The following CCDC178 variants were observed in gnomAD, a reference collection of about 807,000 sequenced individuals.
CCDC178 encodes the protein coiled-coil domain-containing protein 178.
In CCDC178, 126 loss-of-function variants were observed where a neutral mutation model predicts 117.4. The observed-to-expected ratio is 1.07, with a 90% CI of 0.93 to 1.24. The LOEUF (loss-of-function observed/expected upper bound fraction) is 1.24. CCDC178 is among the 50% of genes most tolerant of loss of function. The probability of loss-of-function intolerance (pLI) is 0.00; values close to 1 mark genes in which losing one functional copy is unlikely to be tolerated. For missense variants in CCDC178, 1,030 were observed against 986.9 expected (o/e 1.04, Z -0.59); for synonymous variants, 283 against 313.4 (o/e 0.90, Z 1.02).
intron 21 of CCDC178, among the ~76,000 whole-genome samples, chr18:33,090,861 A>G (rs2057451405): frequency 6.6e-6 from 1 of 152,224 alleles, no homozygotes; most frequent in Non-Finnish European, 1.5e-5. Flanking sequence ...TGTTCCTACT[A>G]TAGTCTCAGT....
intron 14 of CCDC178, among the ~76,000 whole-genome samples, chr18:33,262,476 T>C (rs550600008): frequency 6.6e-6 from 1 of 152,266 alleles, no homozygotes; most frequent in South Asian, 2.1e-4. Flanking sequence ...TAAAATGACA[T>C]ATTTAAAAGG....
intron 5 of CCDC178, among the ~76,000 whole-genome samples, chr18:33,384,800 A>G (rs2063475701): frequency 6.6e-6 from 1 of 152,188 alleles, no homozygotes; most frequent in East Asian, 1.9e-4. Context: ...AAGCAACTAT[A>G]TTAACAAGTT....
intron 14 of CCDC178, among the ~76,000 whole-genome samples, chr18:33,265,757 C>T (rs1301499768): frequency 6.6e-6 from 1 of 151,882 alleles, no homozygotes; most frequent in Non-Finnish European, 1.5e-5. Flanking sequence ...ATTGATCATA[C>T]TTATGTTAAG....
intron 20 of CCDC178, among the ~76,000 whole-genome samples, chr18:33,178,755 G>T (rs978647109): frequency 6.6e-6 from 1 of 151,772 alleles, no homozygotes; most frequent in Non-Finnish European, 1.5e-5. Flanking sequence ...TACCTGGCTA[G>T]CTCCTACATA....
At chr18:33,103,886 A>G (rs1483325843) in intron 20 of CCDC178, among the ~76,000 whole-genome samples, 1 of 151,786 alleles carries the variant, frequency 6.6e-6, no homozygotes, top group Non-Finnish European at 1.5e-5. Context: ...TAGAATGGCT[A>G]AGTAAACTGT....
At chr18:33,011,767 CAAAAAAAAAAAAAAAAAAAAAAAAAA>C (rs71177899) in intron 21 of CCDC178, among the ~76,000 whole-genome samples, 39 of 30,018 alleles carry the variant, frequency 1.3e-3, no homozygotes, top group Admixed American at 7.1e-3. Context: ...GAGCAGAATG[CAAAAAAAAAAAAAAAAAAAAAAAAAA>C]AAAAAAAAAA....
chr18:33,339,920 T>C (rs935752867), intron 9 of CCDC178, among the ~76,000 whole-genome samples: 7 of 151,984 alleles, frequency 4.6e-5, no homozygotes, highest in Non-Finnish European at 8.8e-5. Flanking sequence ...AATGAACTAA[T>C]ACAGTAAATT....
At chr18:32,995,664 A>G (rs1164053226) in intron 21 of CCDC178, among the ~76,000 whole-genome samples, 2 of 152,118 alleles carry the variant, frequency 1.3e-5, no homozygotes, top group African/African-American at 4.8e-5. Flanking sequence ...TTTCACTTCA[A>G]AGAAAACCAA....
At chr18:32,980,422 T>C (rs1166314389) in intron 21 of CCDC178, among the ~76,000 whole-genome samples, 1 of 151,372 alleles carries the variant, frequency 6.6e-6, no homozygotes, top group Non-Finnish European at 1.5e-5. Context: ...ATACAAAAAA[T>C]TAGCCGGGCG....
At chr18:33,309,583 T>C (rs542295448) in intron 11 of CCDC178, among the ~76,000 whole-genome samples, 29 of 152,298 alleles carry the variant, frequency 1.9e-4, no homozygotes, top group Admixed American at 4.6e-4. Flanking sequence ...TTCTAAAAAT[T>C]ACGAAGTGGT....
intron 20 of CCDC178, among the ~76,000 whole-genome samples, chr18:33,109,839 T>C (rs1450867297): frequency 2.0e-5 from 3 of 151,578 alleles, no homozygotes; most frequent in Non-Finnish European, 3.0e-5. Context: ...TTCCATTTTA[T>C]GAATAAACAA....
chr18:33,172,536 C>T (rs1055642207), intron 20 of CCDC178, among the ~76,000 whole-genome samples: 1 of 152,010 alleles, frequency 6.6e-6, no homozygotes, highest in African/African-American at 2.4e-5. Flanking sequence ...TTTTCAAATA[C>T]ATTAGGCATG....
chr18:33,164,210 C>T (rs2058500558), intron 20 of CCDC178, among the ~76,000 whole-genome samples: 2 of 145,610 alleles, frequency 1.4e-5, no homozygotes, highest in African/African-American at 5.1e-5. Flanking sequence ...CAGGTTTAAA[C>T]AATTCTCCTG....
intron 20 of CCDC178, among the ~76,000 whole-genome samples, chr18:33,133,939 T>C (rs1298434286): frequency 2.0e-5 from 3 of 152,102 alleles, no homozygotes; most frequent in African/African-American, 7.2e-5. Context: ...AAAAGAGTAG[T>C]TCATATGATG....
intron 21 of CCDC178, among the ~76,000 whole-genome samples, chr18:32,983,864 G>A (rs2055205423): frequency 6.6e-6 from 1 of 152,038 alleles, no homozygotes; most frequent in South Asian, 2.1e-4. Context: ...AGCCTTATCA[G>A]TTCTGTTTAT....
intron 3 of CCDC178, among the ~76,000 whole-genome samples, chr18:33,402,111 A>G (rs1365440251): frequency 2.0e-5 from 3 of 152,180 alleles, no homozygotes; most frequent in Non-Finnish European, 4.4e-5. Flanking sequence ...ATGTCCCCCA[A>G]ATTTCAATTC....
intron 11 of CCDC178, among the ~76,000 whole-genome samples, chr18:33,297,401 C>T (rs1475968000): frequency 1.3e-5 from 2 of 151,364 alleles, no homozygotes; most frequent in Non-Finnish European, 2.9e-5. Flanking sequence ...TTAGCTTCTT[C>T]AAAGATAAAC....
intron 21 of CCDC178, among the ~76,000 whole-genome samples, chr18:33,023,031 A>C (rs571580566): frequency 6.6e-6 from 1 of 152,274 alleles, no homozygotes; most frequent in African/African-American, 2.4e-5. Flanking sequence ...ATCAAGAAGA[A>C]GTTATAGCAA....
At chr18:33,272,351 A>G (rs1382859560) in intron 12 of CCDC178, among the ~76,000 whole-genome samples, 2 of 151,614 alleles carry the variant, frequency 1.3e-5, no homozygotes, top group Non-Finnish European at 3.0e-5. Flanking sequence ...AACTTACTCA[A>G]GAAGAAACAG....
Sources: gnomAD v4.1 joint callset for allele counts (sites outside exome capture counted in the v4.1 genomes callset) on GRCh38, gnomAD v4.1.1 for gene constraint, MANE v1.5 for transcripts, NCBI Gene and HGNC (gene_info 2026-07-23, HGNC 2026-07-21) for gene names.